The following CDYL2 variants were observed in gnomAD, a reference collection of about 807,000 sequenced individuals.
CDYL2 encodes chromodomain Y like 2, also known as chromodomain Y-like protein 2.
CDYL2 carries 23 observed loss-of-function variants against 49.4 expected under a neutral mutation model. The ratio of observed to expected loss-of-function variants is 0.47; its 90% CI spans 0.34 to 0.66. The LOEUF is 0.66. Ranked by LOEUF, CDYL2 falls within the 30% of genes least tolerant of loss-of-function variation. CDYL2 has a pLI of 0.01. For synonymous variants in CDYL2, 360 were observed against 268.8 expected, an observed-to-expected ratio of 1.34 and a Z score of -3.32; for missense variants, 678 against 656.4, an observed-to-expected ratio of 1.03 and a Z score of -0.36.
chr16:80,634,595 T>C (rs1051628745), intron 2 of CDYL2, among the ~76,000 whole-genome samples: 1 of 152,180 alleles, frequency 6.6e-6, no homozygotes, highest in Non-Finnish European at 1.5e-5. Context: ...TGTATACATA[T>C]GTAACCTGCA....
intron 4 of CDYL2, among the ~76,000 whole-genome samples, chr16:80,619,036 G>C (rs1305810265): frequency 2.0e-5 from 3 of 152,188 alleles, no homozygotes; most frequent in African/African-American, 7.2e-5. Context: ...TGGAAGTTCT[G>C]ACGGAGAAGC....
chr16:80,687,225 C>T (rs74028396), intron 1 of CDYL2, among the ~76,000 whole-genome samples: 8,155 of 152,258 alleles, frequency 0.054, 289 homozygotes, highest in African/African-American at 0.1. Context: ...CCAGATATTT[C>T]CTGGGAGCTA....
At chr16:80,645,981 G>C (rs1908323552) in intron 2 of CDYL2, among the ~76,000 whole-genome samples, 1 of 108,376 alleles carries the variant, frequency 9.2e-6, no homozygotes, top group East Asian at 3.1e-4. Flanking sequence ...ACCGGGGCCT[G>C]TCATGGGGTG....
chr16:80,795,299 G>A (rs1051310040), intron 1 of CDYL2, among the ~76,000 whole-genome samples: 1 of 152,140 alleles, frequency 6.6e-6, no homozygotes. Context: ...AAATCAATGT[G>A]GTGATTGATC....
chr16:80,768,867 G>C (rs371473044), intron 1 of CDYL2, among the ~76,000 whole-genome samples: 1 of 152,160 alleles, frequency 6.6e-6, no homozygotes, highest in Admixed American at 6.5e-5. Context: ...GATTAGAAGA[G>C]ATAATGCAGA....
At chr16:80,701,440 A>G (rs1036583916) in intron 1 of CDYL2, among the ~76,000 whole-genome samples, 1 of 152,206 alleles carries the variant, frequency 6.6e-6, no homozygotes, top group Non-Finnish European at 1.5e-5. Context: ...CATAGTATCT[A>G]TTCCATTTAA....
rs1308132262 is a variant in CDYL2, at chr16:80,763,846, T to C, written c.24+40304A>G. Among the ~76,000 whole-genome samples the C allele has an allele frequency of 3.9e-5, 6 of 152,132 alleles. No individual in the cohort carries two copies. In the East Asian group the frequency reaches 1.2e-3, roughly 29 times the overall value. ...TGAAGACAGATGAAAGTCCTTCCTC[T>C]TAGAGAACTTACTTTCTGCTGGGAG... On this transcript the variant is annotated intron_variant, in intron 1 of 6. Coordinates refer to ENST00000570137, the MANE Select transcript of CDYL2 (RefSeq NM_152342.4).
At chr16:80,759,471 T>TATCC (rs1906454100) in intron 1 of CDYL2, among the ~76,000 whole-genome samples, 1 of 152,154 alleles carries the variant, frequency 6.6e-6, no homozygotes, top group Admixed American at 6.5e-5. Flanking sequence ...GATTGTTAAC[T>TATCC]ATCGATGAGT....
intron 2 of CDYL2, among the ~76,000 whole-genome samples, chr16:80,650,192 T>C (rs1049158964): frequency 6.4e-4 from 98 of 152,094 alleles, no homozygotes; most frequent in African/African-American, 2.2e-3. Context: ...AGCCACAGAA[T>C]GGGAGAAAAC....
intron 1 of CDYL2, among the ~76,000 whole-genome samples, chr16:80,698,913 C>T (rs930675891): frequency 6.6e-6 from 1 of 152,072 alleles, no homozygotes; most frequent in Non-Finnish European, 1.5e-5. Context: ...TGAAAAAATG[C>T]TCACCATCAC....
chr16:80,655,044 T>C (rs1434125839), intron 2 of CDYL2, among the ~76,000 whole-genome samples: 2 of 152,190 alleles, frequency 1.3e-5, no homozygotes, highest in African/African-American at 2.4e-5. Flanking sequence ...CTTCACCTCA[T>C]GGGAGCTGCT....
intron 1 of CDYL2, among the ~76,000 whole-genome samples, chr16:80,771,129 A>G (rs1304670988): frequency 2.0e-5 from 3 of 152,238 alleles, no homozygotes; most frequent in Non-Finnish European, 4.4e-5. Context: ...GTTTAAGATG[A>G]TCCTATATTT....
chr16:80,627,700 T>C (rs1011093213), intron 3 of CDYL2: 2 of 152,250 alleles, frequency 1.3e-5, no homozygotes, highest in South Asian at 2.1e-4. Context: ...ATATACTGTA[T>C]GCATATAACT....
intron 4 of CDYL2, among the ~76,000 whole-genome samples, chr16:80,614,987 C>T (rs1567540903): frequency 1.3e-5 from 2 of 151,868 alleles, no homozygotes; most frequent in Non-Finnish European, 2.9e-5. Flanking sequence ...GGATCAGATT[C>T]AACTGCGAGA....
chr16:80,655,705 G>A (rs916328409), intron 2 of CDYL2, among the ~76,000 whole-genome samples: 5 of 152,168 alleles, frequency 3.3e-5, no homozygotes, highest in African/African-American at 1.2e-4. Context: ...CAACACCTCT[G>A]AGCCAAGCAG....
intron 1 of CDYL2, among the ~76,000 whole-genome samples, chr16:80,722,085 T>A (rs962634886): frequency 3.9e-5 from 6 of 152,062 alleles, no homozygotes; most frequent in African/African-American, 1.4e-4. Flanking sequence ...AAATTCCCAG[T>A]GATAAGGAAG....
At chr16:80,751,961 T>C (rs1010555426) in intron 1 of CDYL2, among the ~76,000 whole-genome samples, 1 of 152,130 alleles carries the variant, frequency 6.6e-6, no homozygotes, top group African/African-American at 2.4e-5. Context: ...ACCCATGGCC[T>C]GAAATTCAAC....
chr16:80,634,303 A>G (rs191932836), intron 2 of CDYL2, among the ~76,000 whole-genome samples: 1 of 152,346 alleles, frequency 6.6e-6, no homozygotes, highest in East Asian at 1.9e-4. Context: ...ACACCATGGA[A>G]TACTATGCAA....
At chr16:80,695,072 G>A (rs1910566842) in intron 1 of CDYL2, among the ~76,000 whole-genome samples, 1 of 152,256 alleles carries the variant, frequency 6.6e-6, no homozygotes. Context: ...ATATAAACAG[G>A]TGAATTAATC....
Sources: allele counts gnomAD v4.1 joint callset (sites outside exome capture counted in the v4.1 genomes callset), GRCh38; gene constraint gnomAD v4.1.1; transcripts MANE v1.5; gene names NCBI Gene and HGNC (gene_info 2026-07-23, HGNC 2026-07-21).